Variants in NFXL1 observed in about 807,000 individuals in gnomAD.
The protein encoded by NFXL1 is nuclear transcription factor, X-box binding like 1, also known as NF-X1-type zinc finger protein NFXL1.
A neutral mutation model predicts 123.3 loss-of-function variants in NFXL1; 66 were observed. The observed-to-expected ratio is 0.54, with a 90% CI of 0.44 to 0.66. The LOEUF is 0.66. NFXL1 is among the 30% of genes least tolerant of loss of function. The probability of loss-of-function intolerance (pLI) is 0.00; values close to 1 mark genes in which losing one functional copy is unlikely to be tolerated. For synonymous variants in NFXL1, 346 were observed against 360.8 expected (o/e 0.96, Z 0.46); for missense variants, 944 against 1,125.6 (o/e 0.84, Z 2.31).
intron 4 of NFXL1, among the ~76,000 whole-genome samples, chr4:47,904,925 G>A (rs904518145): frequency 1.4e-5 from 2 of 139,952 alleles, no homozygotes. Flanking sequence ...ATAAAATATA[G>A]TACATTTAAC....
At chr4:47,897,709 T>C (rs911200317) in intron 9 of NFXL1, among the ~76,000 whole-genome samples, 1 of 151,632 alleles carries the variant, frequency 6.6e-6, no homozygotes, top group African/African-American at 2.4e-5. Flanking sequence ...CACGGAGGAG[T>C]TTCCCTGCCC....
intron 16 of NFXL1, 80 bp downstream of exon 16, chr4:47,879,016 C>G (rs1735922903): frequency 1.2e-6 from 1 of 817,412 alleles, no homozygotes; most frequent in Non-Finnish European, 2.0e-6. Flanking sequence ...TTTGTTATTT[C>G]TAACAACTCT....
chr4:47,888,793 C>T (rs1311085197), intron 12 of NFXL1, among the ~76,000 whole-genome samples: 2 of 152,118 alleles, frequency 1.3e-5, no homozygotes, highest in Non-Finnish European at 2.9e-5. Context: ...AATTAAAAGA[C>T]TTTAGAGACA....
intron 12 of NFXL1, 130 bp from the exon 13 acceptor site, chr4:47,886,129 A>C: frequency 1.3e-6 from 1 of 748,548 alleles, no homozygotes; most frequent in Non-Finnish European, 2.2e-6. Flanking sequence ...CTACAACAAC[A>C]TGAATGAATC....
chr4:47,873,025 G>T (rs1180336589), intron 18 of NFXL1, among the ~76,000 whole-genome samples: 2 of 152,110 alleles, frequency 1.3e-5, no homozygotes, highest in Admixed American at 6.5e-5. Flanking sequence ...CTAATCCTTT[G>T]CTGTCATTTC....
chr4:47,865,895 A>G (rs1244686334), intron 18 of NFXL1, among the ~76,000 whole-genome samples: 2 of 152,180 alleles, frequency 1.3e-5, no homozygotes, highest in Admixed American at 6.5e-5. Flanking sequence ...GTGCACCTGT[A>G]GTCCCAGCTA....
chr4:47,893,201 T>C (rs8180146), intron 11 of NFXL1, among the ~76,000 whole-genome samples: 52,607 of 151,702 alleles, frequency 0.35, 9,543 homozygotes, highest in East Asian at 0.59. Context: ...TCAGTGAACT[T>C]GGAAATTCAA....
chr4:47,880,198 C>T (rs987911028), intron 15 of NFXL1, among the ~76,000 whole-genome samples: 1 of 151,760 alleles, frequency 6.6e-6, no homozygotes, highest in African/African-American at 2.4e-5. Flanking sequence ...GAGTTTCAAG[C>T]CCAGCCTGAG....
chr4:47,904,317 G>C (rs911379166), intron 4 of NFXL1, among the ~76,000 whole-genome samples: 1 of 152,200 alleles, frequency 6.6e-6, no homozygotes, highest in African/African-American at 2.4e-5. Context: ...GTTGCTGCAA[G>C]GGGCTTTAAC....
chr4:47,892,486 A>ACTCT (rs1736836262), intron 11 of NFXL1, among the ~76,000 whole-genome samples: 1 of 152,182 alleles, frequency 6.6e-6, no homozygotes, highest in Non-Finnish European at 1.5e-5. Flanking sequence ...AAAAGCTGAG[A>ACTCT]AAGAACCACT....
At chr4:47,851,787 G>A in intron 21 of NFXL1, 69 bp downstream of exon 21, 6 of 1,025,332 alleles carry the variant, frequency 5.9e-6, no homozygotes, top group South Asian at 1.4e-5. Flanking sequence ...TTTTTAATAA[G>A]TACATAAATG....
At chr4:47,863,028 G>T (rs948705827) in intron 18 of NFXL1, 113 bp from the exon 19 acceptor site, 3 of 655,728 alleles carry the variant, frequency 4.6e-6, no homozygotes, top group Non-Finnish European at 5.4e-6. Flanking sequence ...TTTTCCTCAA[G>T]AAATACTTTA....
intron 4 of NFXL1, among the ~76,000 whole-genome samples, chr4:47,904,204 G>C (rs763536164): frequency 6.6e-6 from 1 of 152,110 alleles, no homozygotes; most frequent in African/African-American, 2.4e-5. Flanking sequence ...TCCTCCAGGG[G>C]ACCCTCTGTA....
At chr4:47,883,470 T>C (rs1223102148) in intron 15 of NFXL1, among the ~76,000 whole-genome samples, 1 of 152,196 alleles carries the variant, frequency 6.6e-6, no homozygotes, top group Non-Finnish European at 1.5e-5. Flanking sequence ...AGTAAAAGAA[T>C]AGTCTCAAAT....
At position 47,885,930 on chromosome 4, in the gene NFXL1, G is replaced by A. The variant is rs749465455; in HGVS notation, c.1613C>T (p.Pro538Leu). ...CNCGNTKVTV[P>L]CGRERTTRPP... ...TCTTGTGGTACGTTCTCGGCCACAG[G>A]GCACTGTCACCTTTGTATTGCCACA... is the stretch of plus-strand genomic sequence containing the variant. The change falls in exon 13 of 23, where the codon CCC becomes CTC. Residue 538 changes from proline (P) to leucine (L), a missense_variant. This residue lies in a region of NFXL1 where 296 missense variants were observed against 395.1 expected (regional missense o/e 0.75). Transcript: ENST00000507489. The A allele has an allele frequency of 1.2e-6, 2 of 1,613,580 alleles. No individual in the cohort carries two copies.
At chr4:47,855,587 A>G (rs534883861) in intron 19 of NFXL1, among the ~76,000 whole-genome samples, 22 of 152,074 alleles carry the variant, frequency 1.4e-4, no homozygotes, top group African/African-American at 4.8e-4. Flanking sequence ...CCATATGCCA[A>G]AGAGAGCAGA....
chr4:47,875,636 T>G (rs185943449), intron 17 of NFXL1, among the ~76,000 whole-genome samples: 1 of 152,102 alleles, frequency 6.6e-6, no homozygotes, highest in Non-Finnish European at 1.5e-5. Flanking sequence ...AGAAATAAAA[T>G]ATACAGAGTA....
At chr4:47,894,131 A>C (rs1182451774) in intron 11 of NFXL1, 49 bp downstream of exon 11, 1 of 1,469,164 alleles carries the variant, frequency 6.8e-7, no homozygotes, top group Non-Finnish European at 9.2e-7. Context: ...AAAATGGAGA[A>C]ATTCAATATA....
intron 2 of NFXL1, among the ~76,000 whole-genome samples, chr4:47,912,952 G>A (rs1737912945): frequency 6.9e-6 from 1 of 144,826 alleles, no homozygotes; most frequent in South Asian, 2.2e-4. Flanking sequence ...GGCAGAGCTT[G>A]CAGTGAGCCG....
Sources: gnomAD v4.1 joint callset for allele counts (sites outside exome capture counted in the v4.1 genomes callset) on GRCh38, gnomAD v4.1.1 for gene constraint, gnomAD v4.1.1 regional missense constraint, MANE v1.5 for transcripts, NCBI Gene and HGNC (gene_info 2026-07-23, HGNC 2026-07-21) for gene names.